Variants in CD163L1 observed in about 807,000 individuals in gnomAD.
CD163L1 encodes scavenger receptor cysteine-rich type 1 protein M160.
Under a neutral mutation model 165.4 loss-of-function variants are expected in CD163L1, and 124 were observed. The ratio of observed to expected loss-of-function variants is 0.75; its 90% CI spans 0.65 to 0.87. The LOEUF (loss-of-function observed/expected upper bound fraction) is 0.87, where lower values mean the gene tolerates loss of function less well. CD163L1 is among the 40% of genes least tolerant of loss of function. The probability of loss-of-function intolerance (pLI) is 0.00; values close to 1 mark genes in which losing one functional copy is unlikely to be tolerated. For synonymous variants in CD163L1, 585 were observed against 662.2 expected (o/e 0.88, Z 1.79); for missense variants, 1,525 against 1,799.9 (o/e 0.85, Z 2.76).
At chr12:7,359,146 G>A (rs180883175) in intron 18 of CD163L1, among the ~76,000 whole-genome samples, 65 of 152,130 alleles carry the variant, frequency 4.3e-4, no homozygotes, top group African/African-American at 1.4e-3. Flanking sequence ...ATGCTAGAAG[G>A]AGAAAAAGGT....
chr12:7,337,418 C>T, the CD163L1 span, among the ~76,000 whole-genome samples: 3 of 152,230 alleles, frequency 2.0e-5, no homozygotes, highest in South Asian at 6.2e-4. Flanking sequence ...GCAATCTATC[C>T]ATCTGACAAA....
intron 4 of CD163L1, among the ~76,000 whole-genome samples, chr12:7,412,937 A>G (rs1296841085): frequency 6.6e-6 from 1 of 151,916 alleles, no homozygotes; most frequent in Non-Finnish European, 1.5e-5. Flanking sequence ...TCTACTAAAA[A>G]TACAAAAAAT....
intron 8 of CD163L1, among the ~76,000 whole-genome samples, chr12:7,380,030 C>T (rs1947352164): frequency 6.6e-6 from 1 of 152,024 alleles, no homozygotes; most frequent in African/African-American, 2.4e-5. Flanking sequence ...AACACTTCTA[C>T]ACTGCTGGTG....
At chr12:7,320,904 T>C in the CD163L1 span, 1 of 1,023,566 alleles carries the variant, frequency 9.8e-7, no homozygotes, top group Non-Finnish European at 1.5e-6. Flanking sequence ...GCTTTCTCAG[T>C]CTTACCACCA....
At chr12:7,331,327 C>T in the CD163L1 span, among the ~76,000 whole-genome samples, 60 of 152,358 alleles carry the variant, frequency 3.9e-4, no homozygotes, top group Middle Eastern at 6.8e-3. Flanking sequence ...CTCCAGGAAG[C>T]CTGCCTGCCT....
At chr12:7,441,279 C>T in intron 1 of CD163L1, 33 bp from the exon 2 acceptor site, 1 of 1,499,370 alleles carries the variant, frequency 6.7e-7, no homozygotes, top group African/African-American at 1.4e-5. Context: ...GGTAGAATTT[C>T]ATGTCTTTCT....
intron 8 of CD163L1, among the ~76,000 whole-genome samples, chr12:7,389,295 AT>A (rs1362288113): frequency 6.6e-6 from 1 of 152,162 alleles, no homozygotes; most frequent in Non-Finnish European, 1.5e-5. Context: ...GACACAAACC[AT>A]TTAACTGGGG....
intron 4 of CD163L1, among the ~76,000 whole-genome samples, chr12:7,419,387 C>A (rs1565807528): frequency 1.3e-5 from 2 of 151,416 alleles, no homozygotes; most frequent in African/African-American, 4.9e-5. Flanking sequence ...TATGGCAAAC[C>A]CACAGCCAAC....
At chr12:7,421,041 A>ATATATGTATATATACG (rs1565808735) in intron 4 of CD163L1, among the ~76,000 whole-genome samples, 1 of 108,620 alleles carries the variant, frequency 9.2e-6, no homozygotes, top group African/African-American at 4.7e-5. Flanking sequence ...ATATACGTGT[A>ATATATGTATATATACG]TATATATGTA....
chr12:7,328,186 C>T, the CD163L1 span: 2 of 860,972 alleles, frequency 2.3e-6, no homozygotes, highest in Non-Finnish European at 3.5e-6. Context: ...ATAATCTCGA[C>T]TTTAAAATTC....
intron 8 of CD163L1, among the ~76,000 whole-genome samples, chr12:7,386,982 A>G (rs1433596408): frequency 6.6e-6 from 1 of 152,234 alleles, no homozygotes; most frequent in Non-Finnish European, 1.5e-5. Flanking sequence ...CAGAGCAATC[A>G]GACAAGACAA....
Position 7,439,935 on chromosome 12 carries a change from G to C in CD163L1, c.124+1219C>G, listed in dbSNP as rs776872962. On this transcript the variant is annotated intron_variant, in intron 2 of 19. Transcript: ENST00000313599. The stretch of plus-strand genomic sequence containing the variant: ...CTTCGGCCAACTCCTCAGTGCTGTC[G>C]GCAGCTGACACAGGGGCTGCGGTCA... The C allele has an allele frequency of 6.3e-4, 996 of 1,592,488 alleles. 12 individuals carry two copies. In the South Asian group the frequency reaches 0.011, roughly 17 times the overall value.
downstream of CD163L1, among the ~76,000 whole-genome samples, chr12:7,343,333 T>C (rs1325742134): frequency 1.3e-5 from 2 of 152,176 alleles, no homozygotes; most frequent in Non-Finnish European, 2.9e-5. Flanking sequence ...TAACAATTTG[T>C]GACAAAGAAT....
At chr12:7,389,952 A>ATT (rs1555197819) in intron 8 of CD163L1, among the ~76,000 whole-genome samples, 1 of 114,920 alleles carries the variant, frequency 8.7e-6, no homozygotes, top group Non-Finnish European at 1.6e-5. Flanking sequence ...CATTTTATAT[A>ATT]TATATATTTA....
chr12:7,355,927 T>TA (rs1050274098), intron 19 of CD163L1, among the ~76,000 whole-genome samples: 10 of 152,160 alleles, frequency 6.6e-5, no homozygotes, highest in Non-Finnish European at 1.3e-4. Context: ...TTCCATTGTT[T>TA]AAGCTGCCCA....
intron 8 of CD163L1, among the ~76,000 whole-genome samples, chr12:7,395,138 T>G (rs1257044166): frequency 2.0e-5 from 3 of 152,176 alleles, no homozygotes; most frequent in Non-Finnish European, 4.4e-5. Flanking sequence ...TAAAGATACA[T>G]GTACACATAT....
At chr12:7,343,486 T>C (rs1946650149), downstream of CD163L1, among the ~76,000 whole-genome samples, 1 of 152,134 alleles carries the variant, frequency 6.6e-6, no homozygotes, top group African/African-American at 2.4e-5. Context: ...TCTTATTGGC[T>C]TCTGATGAGG....
At position 7,421,287 on chromosome 12, in the gene CD163L1, A is replaced by G. The variant is rs867557685; in HGVS notation, c.766+11129T>C. 2.9e-3 allele frequency among the ~76,000 whole-genome samples: 327 copies of G among 114,196 alleles called. 4 individuals are homozygous for G. The highest frequency in any genetic ancestry group is 0.011 in the African/African-American group (288 of 26,578). The allele number at this position is 114,196 out of a possible 152,430, so 74.9% of individuals were successfully genotyped here. On this transcript the variant is annotated intron_variant, in intron 4 of 19. Coordinates refer to ENST00000313599, the MANE Select transcript of CD163L1 (RefSeq NM_174941.6). Reference sequence around the variant, plus strand: ...ATCTTCCAAATGTGTGTATATATATATGTGTGTATATATGTATATATACAT... The same window carrying G: ...ATCTTCCAAATGTGTGTATATATATGTGTGTGTATATATGTATATATACAT...
chr12:7,410,115 T>C (rs1412951886), intron 4 of CD163L1, among the ~76,000 whole-genome samples: 2 of 151,862 alleles, frequency 1.3e-5, no homozygotes, highest in Non-Finnish European at 2.9e-5. Context: ...AATAACACAA[T>C]AGATTAACAA....
Sources: allele counts gnomAD v4.1 joint callset (sites outside exome capture counted in the v4.1 genomes callset), GRCh38; gene constraint gnomAD v4.1.1; transcripts MANE v1.5; gene names NCBI Gene and HGNC (gene_info 2026-07-23, HGNC 2026-07-21).